Variants in PFKP observed in about 807,000 individuals in gnomAD.
The protein encoded by PFKP is ATP-dependent 6-phosphofructokinase, platelet type.
In PFKP, 101 loss-of-function variants were observed where a neutral mutation model predicts 94.3. The ratio of observed to expected loss-of-function variants is 1.07; its 90% CI spans 0.91 to 1.26. The LOEUF is 1.26. PFKP is among the 50% of genes most tolerant of loss of function. The pLI, the probability that PFKP is intolerant of heterozygous loss-of-function variation, is 0.00. For synonymous variants in PFKP, 573 were observed against 432.6 expected (o/e 1.32, Z -4.03); for missense variants, 1,145 against 1,103.3 (o/e 1.04, Z -0.53).
At chr10:3,128,473 C>G (rs1277768444) in intron 16 of PFKP, among the ~76,000 whole-genome samples, 2 of 150,348 alleles carry the variant, frequency 1.3e-5, no homozygotes, top group Non-Finnish European at 1.5e-5. Context: ...CGCTGTGACA[C>G]TGACCACACA....
chr10:3,136,421 C>T (rs372477260), intron 21 of PFKP, 29 bp from the exon 22 acceptor site: 2 of 1,611,802 alleles, frequency 1.2e-6, no homozygotes, highest in Non-Finnish European at 1.7e-6. Context: ...GACTGCAGGC[C>T]TCACTGCTGT....
intron 2 of PFKP, among the ~76,000 whole-genome samples, chr10:3,091,072 G>T (rs546859704): frequency 3.3e-5 from 5 of 152,076 alleles, no homozygotes; most frequent in Admixed American, 6.5e-5. Flanking sequence ...CTGTCTGGCC[G>T]CTGCTTGAGC....
At position 3,135,790 on chromosome 10, in the gene PFKP, A is replaced by AC. The variant is rs1362890642; in HGVS notation, c.2178dup (p.Val727ArgfsTer16). On this transcript the variant is annotated frameshift_variant, in exon 21 of 22. Coordinates refer to ENST00000381125, the MANE Select transcript of PFKP (RefSeq NM_002627.5). LOFTEE classifies it low-confidence loss of function (END_TRUNC). ...TGTGTGCTGGGAATAAGCAAAAGAAACGTTATTTTTCAACCTGTGGCAGAG... is the reference window on the plus strand; with the variant it reads ...TGTGTGCTGGGAATAAGCAAAAGAAACCGTTATTTTTCAACCTGTGGCAGAG... 1 of 1,613,836 alleles carries AC rather than the reference A, an allele frequency of 6.2e-7. No individual in the cohort carries two copies. The highest frequency in any genetic ancestry group is 2.2e-5 in the East Asian group (1 of 44,876).
intron 2 of PFKP, among the ~76,000 whole-genome samples, chr10:3,096,819 C>T (rs1239693959): frequency 6.8e-6 from 1 of 147,878 alleles, no homozygotes; most frequent in African/African-American, 2.5e-5. Context: ...CGGCTCATGC[C>T]TGTAATCCCA....
At chr10:3,109,242 G>GGA (rs1411654179) in intron 9 of PFKP, 113 bp from the exon 10 acceptor site, 30 of 1,378,026 alleles carry the variant, frequency 2.2e-5, no homozygotes, top group Non-Finnish European at 3.0e-5. Flanking sequence ...GCTGGAAGCG[G>GGA]GAGGGGCTGT....
At chr10:3,090,767 A>G (rs887625370) in intron 2 of PFKP, among the ~76,000 whole-genome samples, 41 of 150,896 alleles carry the variant, frequency 2.7e-4, no homozygotes, top group Non-Finnish European at 2.1e-4. Flanking sequence ...CTATGGGGGG[A>G]AAATCACTCT....
chr10:3,135,829 C>T lies in PFKP; in HGVS notation c.2216C>T (p.Thr739Met), dbSNP rs199868194. ...FQPVAELKKQ[T>M]DFEHRIPKEQ... is the part of the protein sequence containing the mutation. ...CCTGTGGCAGAGCTGAAGAAGCAAA[C>T]GGATTTTGAGTAAGTTGGCTGGGTT... The change falls in exon 21 of 22, where the codon ACG becomes ATG. Residue 739 changes from threonine (T) to methionine (M), a missense_variant. By Grantham distance (81) the Thr-to-Met change is moderately conservative (BLOSUM62 -1). Coordinates refer to ENST00000381125, the MANE Select transcript of PFKP (RefSeq NM_002627.5). 1.1e-5 allele frequency: 18 copies of T among 1,608,454 alleles called. No individual in the cohort carries two copies. Among genetic ancestry groups the T allele is most frequent in the Middle Eastern group, 1.6e-4 (1 of 6,076 alleles).
rs192554239 is a variant in PFKP at position 3,125,267 on chromosome 10, C to T, written c.1684-4552C>T. 1,673 of 1,281,292 alleles carry T rather than the reference C, an allele frequency of 1.3e-3. 24 individuals are homozygous for T. The African/African-American group carries it at 0.024, about 19-fold the overall frequency. 79.4% of individuals were successfully genotyped at this position (1,281,292 alleles called of 1,614,324 possible). A position where few individuals can be genotyped will look rare whatever the true frequency, so the allele number is the denominator to read the frequency against. On this transcript the variant is annotated intron_variant, in intron 16 of 21. Transcript: ENST00000381125. ...TTGTTGAGGTAAGAGAACCCCGTTTCCTCTCATTGCTTTTCCGTCATTTAT... is the reference window on the plus strand; with the variant it reads ...TTGTTGAGGTAAGAGAACCCCGTTTTCTCTCATTGCTTTTCCGTCATTTAT...
At chr10:3,124,959 C>T (rs1837783414) in intron 16 of PFKP, 11 of 600,842 alleles carry the variant, frequency 1.8e-5, no homozygotes, top group East Asian at 1.4e-4. Flanking sequence ...GAGCCTCCCT[C>T]GGCCCCTTGA....
At chr10:3,114,397 A>G (rs959548764) in intron 13 of PFKP, among the ~76,000 whole-genome samples, 1 of 152,102 alleles carries the variant, frequency 6.6e-6, no homozygotes, top group East Asian at 1.9e-4. Context: ...TGACCCACCC[A>G]CCTTGGCCTC....
chr10:3,082,080 C>T (rs984100148), intron 1 of PFKP, among the ~76,000 whole-genome samples: 3 of 138,518 alleles, frequency 2.2e-5, no homozygotes, highest in African/African-American at 8.2e-5. Flanking sequence ...CAGAATTTGG[C>T]TAGCTGCAAA....
At chr10:3,133,443 CTT>C in intron 19 of PFKP, 129 bp downstream of exon 19, 1 of 682,886 alleles carries the variant, frequency 1.5e-6, no homozygotes, top group East Asian at 2.8e-5. Context: ...AACATCTGAA[CTT>C]TTTGAGACAG....
At chr10:3,134,415 G>A (rs1440988330) in intron 19 of PFKP, 68 bp from the exon 20 acceptor site, 1 of 892,814 alleles carries the variant, frequency 1.1e-6, no homozygotes, top group Non-Finnish European at 1.8e-6. Context: ...AATAGAAATT[G>A]TCATTTCTAT....
intron 1 of PFKP, among the ~76,000 whole-genome samples, chr10:3,080,048 G>T (rs890225934): frequency 2.0e-4 from 31 of 151,970 alleles, no homozygotes; most frequent in African/African-American, 7.5e-4. Flanking sequence ...GTTGGAGGAG[G>T]AAGAGCGTCC....
rs548988613 is a variant in PFKP, at chr10:3,105,423, C to A, written c.696C>A (p.Cys232Ter). 1 of 1,613,676 alleles carries A rather than the reference C, an allele frequency of 6.2e-7. No individual in the cohort carries two copies. Among genetic ancestry groups the A allele is most frequent in the Non-Finnish European group, 8.5e-7 (1 of 1,179,822 alleles). Residue 232 changes from cysteine to a stop codon, truncating the protein, a stop_gained, in exon 7 of 22, where the codon TGC (cysteine) becomes TGA (stop). Coordinates refer to ENST00000381125, the MANE Select transcript of PFKP (RefSeq NM_002627.5). LOFTEE classifies it high-confidence loss of function. Reference protein sequence around the residue: ...GYLALVSALACGADWVFLPES... With the variant: ...GYLALVSALA ...TGGCCCTGGTGAGTGCCTTGGCCTG[C>A]GGTGCGGACTGGGTGTTCCTTCCAG...
At chr10:3,069,133 C>T in intron 1 of PFKP, 3 of 708,646 alleles carry the variant, frequency 4.2e-6, no homozygotes, top group Non-Finnish European at 5.6e-6. Flanking sequence ...AGCGCAGCCT[C>T]CCCAGGCCCA....
At chr10:3,130,693 G>A (rs1265777653) in intron 17 of PFKP, among the ~76,000 whole-genome samples, 2 of 152,174 alleles carry the variant, frequency 1.3e-5, no homozygotes, top group African/African-American at 4.8e-5. Flanking sequence ...CCAAGTAGCT[G>A]GGATTACAGG....
chr10:3,134,624 G>C, intron 20 of PFKP, 42 bp downstream of exon 20: 1 of 1,276,546 alleles, frequency 7.8e-7, no homozygotes, highest in Non-Finnish European at 1.1e-6. Flanking sequence ...CGTGATGCAG[G>C]CCGTCCTGCC....
intron 2 of PFKP, among the ~76,000 whole-genome samples, chr10:3,086,592 A>G (rs1175234062): frequency 6.6e-6 from 1 of 152,194 alleles, no homozygotes; most frequent in South Asian, 2.1e-4. Context: ...ACCACACCCC[A>G]CAAAGAATGG....
Sources: gnomAD v4.1 joint callset for allele counts (sites outside exome capture counted in the v4.1 genomes callset) on GRCh38, gnomAD v4.1.1 for gene constraint, MANE v1.5 for transcripts, NCBI Gene and HGNC (gene_info 2026-07-23, HGNC 2026-07-21) for gene names.